Variants in DENND1A observed in about 807,000 individuals in gnomAD.
DENND1A encodes DENN domain-containing protein 1A.
Under a neutral mutation model 113.7 loss-of-function variants are expected in DENND1A, and 51 were observed. That is an observed-to-expected ratio of 0.45 (90% CI 0.36 to 0.57). DENND1A has a LOEUF of 0.57. Among genes scored for constraint, DENND1A ranks in the 20% least tolerant of loss-of-function variants. DENND1A has a pLI of 0.00. For missense variants in DENND1A, 1,258 were observed against 1,395.9 expected (o/e 0.90, Z 1.57); for synonymous variants, 565 against 570.8 (o/e 0.99, Z 0.14).
At chr9:123,883,610 T>A (rs1198402979) in intron 1 of DENND1A, among the ~76,000 whole-genome samples, 1 of 152,176 alleles carries the variant, frequency 6.6e-6, no homozygotes, top group East Asian at 1.9e-4. Flanking sequence ...TTCTTCCAGA[T>A]AATTTAGAAT....
intron 13 of DENND1A, among the ~76,000 whole-genome samples, chr9:123,538,432 C>T (rs527952747): frequency 1.3e-5 from 2 of 152,130 alleles, no homozygotes; most frequent in African/African-American, 4.8e-5. Flanking sequence ...GATATAATTT[C>T]TCACTAAAAA....
chr9:123,398,896 G>A (rs943981717), intron 21 of DENND1A, among the ~76,000 whole-genome samples: 1 of 151,392 alleles, frequency 6.6e-6, no homozygotes, highest in Admixed American at 6.6e-5. Context: ...CTAGGTTCAA[G>A]CGATTCTCCT....
chr9:123,630,547 T>A, intron 9 of DENND1A, 71 bp from the exon 10 acceptor site: 1 of 1,033,720 alleles, frequency 9.7e-7, no homozygotes, highest in African/African-American at 1.6e-5. Context: ...ATTTCAGCAA[T>A]ACAATTCTAT....
chr9:123,835,241 G>A lies in DENND1A; in HGVS notation c.89-42611C>T, dbSNP rs114022359. ...AAAAAGGAATCCTAGCTAGATGAAC[G>A]CCTGGAATGCTACCAGAATAGCACT... On this transcript the variant is annotated intron_variant, in intron 2 of 23. Coordinates refer to ENST00000394215, the MANE Select transcript of DENND1A (RefSeq NM_001352964.2). Among the ~76,000 whole-genome samples, 141 of 152,218 alleles carry A rather than the reference G, an allele frequency of 9.3e-4. 1 individual carries two copies. Among genetic ancestry groups the A allele is most frequent in the African/African-American group, 3.2e-3 (134 of 41,542 alleles).
At chr9:123,550,040 C>T (rs973155532) in intron 13 of DENND1A, among the ~76,000 whole-genome samples, 1 of 152,226 alleles carries the variant, frequency 6.6e-6, no homozygotes, top group African/African-American at 2.4e-5. Context: ...TCCAACACAA[C>T]CTCGTGCATT....
At chr9:123,432,671 G>C (rs1030157947) in intron 19 of DENND1A, among the ~76,000 whole-genome samples, 4 of 152,182 alleles carry the variant, frequency 2.6e-5, no homozygotes, top group Non-Finnish European at 5.9e-5. Context: ...AGGTGTGCAG[G>C]GTATACCGCC....
intron 11 of DENND1A, among the ~76,000 whole-genome samples, chr9:123,596,292 TC>T (rs2059688960): frequency 6.6e-6 from 1 of 152,236 alleles, no homozygotes; most frequent in South Asian, 2.1e-4. Context: ...CTGTGCGCTA[TC>T]ACTTTCCCCT....
intron 1 of DENND1A, among the ~76,000 whole-genome samples, chr9:123,884,042 C>T (rs1848676822): frequency 6.6e-6 from 1 of 151,942 alleles, no homozygotes; most frequent in Non-Finnish European, 1.5e-5. Flanking sequence ...TTTTAAGGGC[C>T]AGGGAAGCCA....
rs189006706 is a variant in DENND1A at position 123,788,642 on chromosome 9, T to C, written c.132+3945A>G. Among the ~76,000 whole-genome samples the C allele has an allele frequency of 4.6e-5, 7 of 152,212 alleles. No individual in the cohort carries two copies. In the East Asian group the frequency reaches 1.2e-3, roughly 25 times the overall value. Reference sequence around the variant, plus strand: ...TCTTACTTTTAATGTCTGATTGACATGATATATTTGAGAAACCAATTTCTA... The same window carrying C: ...TCTTACTTTTAATGTCTGATTGACACGATATATTTGAGAAACCAATTTCTA... On this transcript the variant is annotated intron_variant, in intron 3 of 23. Transcript: ENST00000394215.
chr9:123,769,362 C>T (rs79730568), intron 4 of DENND1A, 152 bp downstream of exon 4: 46,416 of 628,388 alleles, frequency 0.074, 2,160 homozygotes, highest in Middle Eastern at 0.13. Flanking sequence ...AATAAAAACC[C>T]CAGGAAGGGA....
chr9:123,672,612 T>C (rs907707786), intron 6 of DENND1A, among the ~76,000 whole-genome samples: 3 of 151,994 alleles, frequency 2.0e-5, no homozygotes, highest in Non-Finnish European at 4.4e-5. Context: ...CCTTTAAGAG[T>C]GAGTACATCA....
At position 123,440,321 on chromosome 9, in the gene DENND1A, A is replaced by C. The variant is rs79745151; in HGVS notation, c.1488+39T>G. ...CTGCTGCTAAAAACAAAAATAAAAA[A>C]AAAACAAAACAGACAGGTAGGAGGG... is the stretch of plus-strand genomic sequence containing the variant. On this transcript the variant is annotated intron_variant, in intron 19 of 23. Coordinates refer to ENST00000394215, the MANE Select transcript of DENND1A (RefSeq NM_001352964.2). The C allele has an allele frequency of 1.0e-3, 1,595 of 1,568,900 alleles. 21 individuals are homozygous for C. Among genetic ancestry groups the C allele is most frequent in the South Asian group, 8.5e-3 (723 of 84,802 alleles).
chr9:123,716,818 A>G (rs377335302), intron 5 of DENND1A, among the ~76,000 whole-genome samples: 7 of 152,204 alleles, frequency 4.6e-5, no homozygotes, highest in African/African-American at 1.4e-4. Context: ...TGTGAGTATC[A>G]CGTACATGCT....
At chr9:123,511,750 C>T (rs897419574) in intron 13 of DENND1A, among the ~76,000 whole-genome samples, 1 of 152,234 alleles carries the variant, frequency 6.6e-6, no homozygotes, top group Non-Finnish European at 1.5e-5. Flanking sequence ...TTGTGAACCA[C>T]AGAGTGCCAA....
At chr9:123,517,573 C>T (rs1014956345) in intron 13 of DENND1A, among the ~76,000 whole-genome samples, 13 of 151,740 alleles carry the variant, frequency 8.6e-5, no homozygotes, top group East Asian at 3.9e-4. Flanking sequence ...CAGCTGAGAC[C>T]GTACCACTGC....
intron 13 of DENND1A, among the ~76,000 whole-genome samples, chr9:123,523,715 C>T (rs1181847888): frequency 6.6e-6 from 1 of 152,194 alleles, no homozygotes; most frequent in Non-Finnish European, 1.5e-5. Context: ...TCTGCTCCTC[C>T]ATCTACTTTG....
rs550698049 is a variant in DENND1A at position 123,514,728 on chromosome 9, G to C, written c.993+42842C>G. Among the ~76,000 whole-genome samples, 31 of 152,326 alleles carry C rather than the reference G, an allele frequency of 2.0e-4. No individual in the cohort carries two copies. The South Asian group carries it at 6.0e-3, about 30-fold the overall frequency. Reference sequence around the variant, plus strand: ...CCACGGCCTTCAGTATGGGAAGATGGATACAGAAACAGAGACATAAAGTGC... The same window carrying C: ...CCACGGCCTTCAGTATGGGAAGATGCATACAGAAACAGAGACATAAAGTGC... On this transcript the variant is annotated intron_variant, in intron 13 of 23. Transcript: ENST00000394215.
At chr9:123,879,377 G>A (rs898862510) in intron 1 of DENND1A, among the ~76,000 whole-genome samples, 3 of 151,818 alleles carry the variant, frequency 2.0e-5, no homozygotes, top group African/African-American at 7.3e-5. Flanking sequence ...TACTAAAAAT[G>A]CAAAAATCAG....
Position 123,812,138 on chromosome 9 carries a change from A to G in DENND1A, c.89-19508T>C, listed in dbSNP as rs113650173. Among the ~76,000 whole-genome samples the G allele has an allele frequency of 9.8e-3, 1,494 of 152,230 alleles. 28 individuals are homozygous for G. Among genetic ancestry groups the G allele is most frequent in the African/African-American group, 0.033 (1,353 of 41,518 alleles). ...GTTGGCATGCAGTCTTTCCATCCAT[A>G]CTGTTGTACGTTTAATATATATAAA... On this transcript the variant is annotated intron_variant, in intron 2 of 23. Coordinates refer to ENST00000394215, the MANE Select transcript of DENND1A (RefSeq NM_001352964.2).
Sources: gnomAD v4.1 joint callset for allele counts (sites outside exome capture counted in the v4.1 genomes callset) on GRCh38, gnomAD v4.1.1 for gene constraint, MANE v1.5 for transcripts, NCBI Gene and HGNC (gene_info 2026-07-23, HGNC 2026-07-21) for gene names.